AASS: variants seen among roughly 807,000 people sequenced by gnomAD.
AASS encodes the protein alpha-aminoadipic semialdehyde synthase, mitochondrial.
In AASS, 86 loss-of-function variants were observed where a neutral mutation model predicts 105.4. The ratio of observed to expected loss-of-function variants is 0.82; its 90% CI spans 0.69 to 0.98. The LOEUF (loss-of-function observed/expected upper bound fraction) is 0.98, where lower values mean the gene tolerates loss of function less well. Among genes scored for constraint, AASS ranks in the 50% least tolerant of loss-of-function variants. AASS has a pLI of 0.00. For missense variants in AASS, 1,048 were observed against 1,143.2 expected (o/e 0.92, Z 1.20); for synonymous variants, 381 against 394.8 (o/e 0.96, Z 0.41).
chr7:122,141,506 A>G (rs1237564141), intron 1 of AASS, among the ~76,000 whole-genome samples: 3 of 152,164 alleles, frequency 2.0e-5, no homozygotes, highest in Non-Finnish European at 4.4e-5. Flanking sequence ...TGACTGGCAC[A>G]TGGGAAAACA....
intron 15 of AASS, among the ~76,000 whole-genome samples, chr7:122,094,909 A>T (rs1293957413): frequency 6.6e-6 from 1 of 152,030 alleles, no homozygotes; most frequent in Non-Finnish European, 1.5e-5. Context: ...CATTTGGAAG[A>T]TGTGAAGGTA....
At chr7:122,135,939 C>A (rs539320271) in intron 1 of AASS, among the ~76,000 whole-genome samples, 3 of 152,238 alleles carry the variant, frequency 2.0e-5, no homozygotes, top group Non-Finnish European at 2.9e-5. Context: ...CCAGGCTTAA[C>A]AGTATTCTAC....
At chr7:122,123,827 T>C (rs766313730) in intron 4 of AASS, among the ~76,000 whole-genome samples, 6 of 152,204 alleles carry the variant, frequency 3.9e-5, no homozygotes, top group Non-Finnish European at 7.4e-5. Flanking sequence ...GTCTCCATTA[T>C]AGCAACTTAG....
rs531931836 is a variant in AASS, at chr7:122,079,679, G to A, written c.2314C>T (p.Pro772Ser). 1 of 1,613,806 alleles carries A rather than the reference G, an allele frequency of 6.2e-7. No individual in the cohort carries two copies. The highest frequency in any genetic ancestry group is 8.5e-7 in the Non-Finnish European group (1 of 1,179,816). The change falls in exon 21 of 24, where the codon CCC becomes TCC. Residue 772 changes from proline (P) to serine (S), a missense_variant. Coordinates refer to ENST00000417368, the MANE Select transcript of AASS (RefSeq NM_005763.4). The stretch of plus-strand genomic sequence containing the variant: ...TTCAACACATCATGCTCAGAGGAGG[G>A]TGAAATCCCAACTAGGTCACAGAGG... Reference protein sequence around the residue: ...QLLCDLVGISPSSEHDVLKEA... With the variant: ...QLLCDLVGISSSSEHDVLKEA...
chr7:122,121,568 AT>A (rs2150543302), intron 4 of AASS, among the ~76,000 whole-genome samples: 1 of 152,034 alleles, frequency 6.6e-6, no homozygotes, highest in South Asian at 2.1e-4. Context: ...CTACTCTTGC[AT>A]TTTTTTGTAG....
At chr7:122,116,802 ATAAAAAT>A (rs1481978006) in intron 7 of AASS, 42 bp from the exon 8 acceptor site, 13 of 1,612,976 alleles carry the variant, frequency 8.1e-6, no homozygotes, top group Non-Finnish European at 1.0e-5. Context: ...GTGACAAATA[ATAAAAAT>A]TTATGGTGAT....
rs369644175 is a variant in AASS, at chr7:122,129,476, C to T, written c.272G>A (p.Gly91Glu). ...TTTTTCCTCTGGAGGTCTTTTAACT[C>T]CTAAAATTAGACAAGCTTCAGAAAT... ...EDISEACLIL[G>E]VKRPPEEKLM... Residue 91 changes from glycine (G) to glutamate (E), a missense_variant, in exon 3 of 24, where the codon GGA (glycine) becomes GAA (glutamate). Coordinates refer to ENST00000417368, the MANE Select transcript of AASS (RefSeq NM_005763.4). 1.2e-6 allele frequency: 2 copies of T among 1,613,466 alleles called. No individual in the cohort carries two copies. The highest frequency in any genetic ancestry group is 1.3e-5 in the African/African-American group (1 of 74,888).
At chr7:122,084,622 C>A (rs991848939) in intron 19 of AASS, among the ~76,000 whole-genome samples, 22 of 151,796 alleles carry the variant, frequency 1.4e-4, no homozygotes, top group African/African-American at 4.6e-4. Flanking sequence ...TTACCAGGGG[C>A]AGGGCTGCAG....
chr7:122,106,172 A>T (rs1794655436), intron 11 of AASS, among the ~76,000 whole-genome samples: 1 of 151,976 alleles, frequency 6.6e-6, no homozygotes, highest in Admixed American at 6.6e-5. Flanking sequence ...GGATAATTTG[A>T]CTTCCTCTCT....
intron 11 of AASS, among the ~76,000 whole-genome samples, chr7:122,109,496 T>C (rs972298805): frequency 1.3e-5 from 2 of 151,774 alleles, no homozygotes; most frequent in Admixed American, 6.6e-5. Context: ...AAGAAATCCA[T>C]GCATCTATAT....
intron 1 of AASS, among the ~76,000 whole-genome samples, chr7:122,141,750 A>C (rs557249840): frequency 6.6e-6 from 1 of 151,752 alleles, no homozygotes; most frequent in South Asian, 2.1e-4. Context: ...GTATAGTGGG[A>C]AAACTTAGAC....
At chr7:122,119,913 C>T (rs1241425943) in intron 4 of AASS, among the ~76,000 whole-genome samples, 1 of 152,200 alleles carries the variant, frequency 6.6e-6, no homozygotes, top group Non-Finnish European at 1.5e-5. Context: ...AGTTCTGTGA[C>T]ACCTGCCTGT....
chr7:122,105,659 T>C (rs1010181193), intron 11 of AASS, among the ~76,000 whole-genome samples: 1 of 151,882 alleles, frequency 6.6e-6, no homozygotes, highest in African/African-American at 2.4e-5. Context: ...AAAGGGAAAT[T>C]TAAAAATTTC....
At chr7:122,117,857 T>C (rs1795255961) in intron 6 of AASS, among the ~76,000 whole-genome samples, 2 of 151,944 alleles carry the variant, frequency 1.3e-5, no homozygotes, top group African/African-American at 2.4e-5. Context: ...TGTTTTACCA[T>C]ATTGGCCAGG....
chr7:122,112,329 C>A (rs1379014675), intron 11 of AASS, among the ~76,000 whole-genome samples: 1 of 152,144 alleles, frequency 6.6e-6, no homozygotes. Context: ...TTTTCTCAAG[C>A]CTGCTACATC....
intron 11 of AASS, among the ~76,000 whole-genome samples, 180 bp downstream of exon 11, chr7:122,112,938 C>T (rs1795003261): frequency 6.6e-6 from 1 of 151,944 alleles, no homozygotes; most frequent in Non-Finnish European, 1.5e-5. Flanking sequence ...ATCCTATACC[C>T]CAAGAGACAA....
At chr7:122,097,821 C>G (rs377374661) in intron 15 of AASS, among the ~76,000 whole-genome samples, 1 of 152,010 alleles carries the variant, frequency 6.6e-6, no homozygotes, top group Non-Finnish European at 1.5e-5. Context: ...AATCCCACTT[C>G]TAAGTACATA....
At chr7:122,091,905 T>G in intron 17 of AASS, 62 bp from the exon 18 acceptor site, 6 of 1,199,592 alleles carry the variant, frequency 5.0e-6, no homozygotes, top group African/African-American at 1.5e-5. Flanking sequence ...TCTAAGTAAT[T>G]AATTGAAGAC....
At chr7:122,101,751 A>G in intron 11 of AASS, 71 bp from the exon 12 acceptor site, 1 of 1,105,368 alleles carries the variant, frequency 9.0e-7, no homozygotes. Flanking sequence ...TTGTATCCAT[A>G]TTAAAATATT....
Sources: allele counts gnomAD v4.1 joint callset (sites outside exome capture counted in the v4.1 genomes callset), GRCh38; gene constraint gnomAD v4.1.1; transcripts MANE v1.5; gene names NCBI Gene and HGNC (gene_info 2026-07-23, HGNC 2026-07-21).